TOX: variants seen among roughly 807,000 people sequenced by gnomAD.
TOX encodes thymocyte selection associated high mobility group box, also known as thymocyte selection-associated high mobility group box protein TOX.
A neutral mutation model predicts 53.7 loss-of-function variants in TOX; 11 were observed. The observed-to-expected ratio is 0.20, with a 90% CI of 0.13 to 0.34. The LOEUF (loss-of-function observed/expected upper bound fraction) is 0.34, where lower values mean the gene tolerates loss of function less well. TOX is among the 10% of genes least tolerant of loss of function. The pLI is 1.00. For synonymous variants in TOX, 225 were observed against 245.3 expected (o/e 0.92, Z 0.77); for missense variants, 570 against 664.6 (o/e 0.86, Z 1.56).
At chr8:59,094,795 A>C (rs1804686676) in intron 1 of TOX, among the ~76,000 whole-genome samples, 1 of 152,128 alleles carries the variant, frequency 6.6e-6, no homozygotes, top group South Asian at 2.1e-4. Context: ...AAGTTATCTA[A>C]GCCCCCAAGG....
intron 5 of TOX, among the ~76,000 whole-genome samples, chr8:58,836,780 A>T (rs1213129705): frequency 2.6e-5 from 4 of 152,328 alleles, no homozygotes; most frequent in African/African-American, 9.6e-5. Context: ...AGTTTTATTC[A>T]TGGTAATTCT....
intron 1 of TOX, among the ~76,000 whole-genome samples, chr8:58,969,574 G>T (rs1303478896): frequency 6.6e-6 from 1 of 151,904 alleles, no homozygotes; most frequent in Non-Finnish European, 1.5e-5. Flanking sequence ...GAAGATTATA[G>T]AATAATTTTC....
At chr8:58,973,307 T>C (rs752981645) in intron 1 of TOX, among the ~76,000 whole-genome samples, 30 of 152,192 alleles carry the variant, frequency 2.0e-4, no homozygotes, top group Admixed American at 8.5e-4. Context: ...AACAATCCAT[T>C]TGTATTAGTG....
chr8:59,066,598 C>A (rs1448565880), intron 1 of TOX, among the ~76,000 whole-genome samples: 2 of 152,170 alleles, frequency 1.3e-5, no homozygotes, highest in African/African-American at 4.8e-5. Flanking sequence ...TTATGTCTTG[C>A]AGCACCATTA....
rs1383000272 is a variant in TOX at position 59,119,010 on chromosome 8, C to G, written c.-23G>C. 2 of 1,532,102 alleles carry G rather than the reference C, an allele frequency of 1.3e-6. No individual in the cohort carries two copies. Among genetic ancestry groups the G allele is most frequent in the Non-Finnish European group, 1.8e-6 (2 of 1,112,052 alleles). 94.9% of individuals were successfully genotyped at this position (1,532,102 alleles called of 1,614,324 possible). On this transcript the variant is annotated 5_prime_UTR_variant, in exon 1 of 9. Coordinates refer to ENST00000361421, the MANE Select transcript of TOX (RefSeq NM_014729.3). ...CATTTCACTCTCACATCAAGCAACT[C>G]CTTTTCTTTTTCCTTTTTTAAAAAA...
chr8:58,984,491 T>C (rs999837894), intron 1 of TOX, among the ~76,000 whole-genome samples: 1 of 152,078 alleles, frequency 6.6e-6, no homozygotes, highest in Non-Finnish European at 1.5e-5. Flanking sequence ...AGGATGGCTA[T>C]CATAAAAATT....
At chr8:58,943,904 A>G (rs1459594106) in intron 2 of TOX, among the ~76,000 whole-genome samples, 1 of 152,244 alleles carries the variant, frequency 6.6e-6, no homozygotes, top group Non-Finnish European at 1.5e-5. Context: ...TTTAGGGACT[A>G]CAGGGTGAAA....
intron 1 of TOX, among the ~76,000 whole-genome samples, chr8:59,019,574 T>C (rs1814082482): frequency 6.6e-6 from 1 of 152,182 alleles, no homozygotes; most frequent in African/African-American, 2.4e-5. Context: ...AAAAATGAAA[T>C]TTAATTTGTG....
chr8:58,832,086 T>C (rs1810465252), intron 5 of TOX, among the ~76,000 whole-genome samples: 1 of 149,548 alleles, frequency 6.7e-6, no homozygotes, highest in East Asian at 1.9e-4. Context: ...AAGAATCACA[T>C]TTATATACCA....
rs1242406325 is a variant in TOX, at chr8:58,998,529, A to AATAAATTTATGTAATAAATT, written c.103-38522_103-38521insAATTTATTACATAAATTTAT. Among the ~76,000 whole-genome samples, 88 of 15,832 alleles carry AATAAATTTATGTAATAAATT rather than the reference A, an allele frequency of 5.6e-3. 2 individuals carry two copies. The highest frequency in any genetic ancestry group is 0.013 in the South Asian group (4 of 316). 10.4% of individuals were successfully genotyped at this position (15,832 alleles called of 152,430 possible). A position where few individuals can be genotyped will look rare whatever the true frequency, so the allele number is the denominator to read the frequency against. The stretch of plus-strand genomic sequence containing the variant: ...TATATATATATATATATATATATAT[A>AATAAATTTATGTAATAAATT]TATATATATAAATTTATATATAATA... On this transcript the variant is annotated intron_variant, in intron 1 of 8. Transcript: ENST00000361421.
intron 1 of TOX, among the ~76,000 whole-genome samples, chr8:59,092,541 C>A (rs2129423906): frequency 6.6e-6 from 1 of 151,310 alleles, no homozygotes; most frequent in Admixed American, 6.6e-5. Flanking sequence ...TTAATAAAAT[C>A]TTTAAATGGC....
intron 1 of TOX, among the ~76,000 whole-genome samples, chr8:59,019,302 A>G (rs565222038): frequency 1.2e-4 from 18 of 152,256 alleles, no homozygotes; most frequent in Non-Finnish European, 1.9e-4. Flanking sequence ...GCATTGTTAA[A>G]TAAGAAATTG....
At chr8:59,090,860 A>G (rs533686621) in intron 1 of TOX, among the ~76,000 whole-genome samples, 27 of 151,798 alleles carry the variant, frequency 1.8e-4, no homozygotes, top group Non-Finnish European at 3.8e-4. Flanking sequence ...CAAATCAACC[A>G]CCTTCTGCAT....
chr8:58,818,376 T>A (rs578253261), intron 6 of TOX, among the ~76,000 whole-genome samples: 1 of 152,278 alleles, frequency 6.6e-6, no homozygotes, highest in South Asian at 2.1e-4. Flanking sequence ...TTATATATAT[T>A]TTCCCTTTAT....
chr8:58,924,353 G>T (rs1235075749), intron 3 of TOX, among the ~76,000 whole-genome samples: 1 of 152,222 alleles, frequency 6.6e-6, no homozygotes, highest in Admixed American at 6.5e-5. Context: ...CTAAGCAGAA[G>T]TAGGGAGGGA....
chr8:59,032,022 G>C (rs1386733309), intron 1 of TOX, among the ~76,000 whole-genome samples: 2 of 152,188 alleles, frequency 1.3e-5, no homozygotes, highest in Non-Finnish European at 2.9e-5. Flanking sequence ...GGGTGAAAAA[G>C]GGATGGTAGG....
At chr8:59,112,514 C>T (rs561566605) in intron 1 of TOX, among the ~76,000 whole-genome samples, 6 of 152,224 alleles carry the variant, frequency 3.9e-5, no homozygotes, top group Non-Finnish European at 5.9e-5. Context: ...GCCCATTTAA[C>T]ACAATTCGTT....
At position 58,807,562 on chromosome 8, in the gene TOX, TAA is replaced by T; in HGVS notation, c.*183_*184del. 1.7e-6 allele frequency: 1 copy of T among 604,710 alleles called. No homozygotes were observed. Among genetic ancestry groups the T allele is most frequent in the Non-Finnish European group, 2.9e-6 (1 of 348,806 alleles). 37.5% of individuals were successfully genotyped at this position (604,710 alleles called of 1,614,324 possible). A position where few individuals can be genotyped will look rare whatever the true frequency, so the allele number is the denominator to read the frequency against. On this transcript the variant is annotated 3_prime_UTR_variant, in exon 9 of 9. Coordinates refer to ENST00000361421, the MANE Select transcript of TOX (RefSeq NM_014729.3). ...AAGAAAAACAATGTCCATAAAGGAT[TAA>T]AAAAATAATAAAGAAGCATGACTAT...
intron 1 of TOX, among the ~76,000 whole-genome samples, chr8:59,055,936 T>G (rs1238947275): frequency 1.3e-5 from 2 of 152,050 alleles, no homozygotes; most frequent in African/African-American, 2.4e-5. Context: ...TGACAATAAA[T>G]CATAAAAATT....
Sources: gnomAD v4.1 joint callset for allele counts (sites outside exome capture counted in the v4.1 genomes callset) on GRCh38, gnomAD v4.1.1 for gene constraint, MANE v1.5 for transcripts, NCBI Gene and HGNC (gene_info 2026-07-23, HGNC 2026-07-21) for gene names.